TIAM1: variants seen among roughly 807,000 people sequenced by gnomAD.
The protein encoded by TIAM1 is rho guanine nucleotide exchange factor TIAM1.
TIAM1 carries 65 observed loss-of-function variants against 163.5 expected under a neutral mutation model. The observed-to-expected ratio is 0.40, with a 90% CI of 0.33 to 0.49. The LOEUF (loss-of-function observed/expected upper bound fraction) is 0.49, where lower values mean the gene tolerates loss of function less well. Ranked by LOEUF, TIAM1 falls within the 20% of genes least tolerant of loss-of-function variation. TIAM1 has a pLI of 0.77. For missense variants in TIAM1, 1,789 were observed against 2,044.7 expected (o/e 0.87, Z 2.41); for synonymous variants, 833 against 810.1 (o/e 1.03, Z -0.48).
At chr21:31,305,422 T>A (rs199953397) in intron 2 of TIAM1, among the ~76,000 whole-genome samples, 1,328 of 132,638 alleles carry the variant, frequency 0.01, 9 homozygotes, top group African/African-American at 0.019. Flanking sequence ...GAAATAAAAA[T>A]AAAAAAAAAA....
chr21:31,410,203 T>A (rs982846224), intron 2 of TIAM1, among the ~76,000 whole-genome samples: 2 of 143,458 alleles, frequency 1.4e-5, no homozygotes, highest in African/African-American at 5.8e-5. Flanking sequence ...ACAGTGATTG[T>A]GAGTGTGTGT....
chr21:31,277,481 A>C (rs1204969545), intron 2 of TIAM1, among the ~76,000 whole-genome samples: 3 of 152,190 alleles, frequency 2.0e-5, no homozygotes, highest in Non-Finnish European at 4.4e-5. Context: ...CCCCATCTTT[A>C]CTAAAATACA....
At chr21:31,517,926 G>T (rs894549783) in intron 1 of TIAM1, among the ~76,000 whole-genome samples, 3 of 152,072 alleles carry the variant, frequency 2.0e-5, no homozygotes, top group African/African-American at 7.2e-5. Context: ...GCCTAGCCAC[G>T]TTTCCACAGT....
At chr21:31,507,827 AG>A (rs1329331367) in intron 1 of TIAM1, among the ~76,000 whole-genome samples, 5 of 152,172 alleles carry the variant, frequency 3.3e-5, no homozygotes, top group Admixed American at 6.5e-5. Context: ...GTGGTAGCCC[AG>A]GGGTGGGTGT....
At chr21:31,286,479 AG>A (rs1569164039) in intron 2 of TIAM1, among the ~76,000 whole-genome samples, 1 of 152,154 alleles carries the variant, frequency 6.6e-6, no homozygotes, top group Non-Finnish European at 1.5e-5. Context: ...AAGCCGAAAC[AG>A]GAAGATCACT....
chr21:31,396,583 T>A (rs1248100141), intron 2 of TIAM1, among the ~76,000 whole-genome samples: 3 of 148,624 alleles, frequency 2.0e-5, no homozygotes, highest in African/African-American at 7.3e-5. Flanking sequence ...ATTAATATAA[T>A]AATATGAAAT....
chr21:31,143,220 A>G (rs2082938785), intron 20 of TIAM1, among the ~76,000 whole-genome samples: 1 of 152,112 alleles, frequency 6.6e-6, no homozygotes, highest in Non-Finnish European at 1.5e-5. Flanking sequence ...AACACAATCA[A>G]CATTGGAAAA....
chr21:31,359,846 AAGGAAGGAAGGAAGGAAGGG>A (rs1320329420), intron 2 of TIAM1, among the ~76,000 whole-genome samples: 14 of 132,494 alleles, frequency 1.1e-4, no homozygotes, highest in Admixed American at 4.4e-4. Context: ...GGAAGGAAGG[AAGGAAGGAAGGAAGGAAGGG>A]AGGGAGGGAG....
At chr21:31,501,305 CG>C (rs1399674615) in intron 1 of TIAM1, among the ~76,000 whole-genome samples, 1 of 152,032 alleles carries the variant, frequency 6.6e-6, no homozygotes, top group Non-Finnish European at 1.5e-5. Flanking sequence ...GGTGAAGAAC[CG>C]GGGTGCTGGA....
At chr21:31,145,144 CGGGAAA>C (rs1260337639) in intron 20 of TIAM1, among the ~76,000 whole-genome samples, 1 of 152,032 alleles carries the variant, frequency 6.6e-6, no homozygotes, top group Non-Finnish European at 1.5e-5. Context: ...ACACAGCACA[CGGGAAA>C]GGTCAGGCAG....
intron 2 of TIAM1, among the ~76,000 whole-genome samples, chr21:31,280,031 C>A (rs113877668): frequency 6.6e-6 from 1 of 150,508 alleles, no homozygotes; most frequent in African/African-American, 2.5e-5. Context: ...CACGCGTGCG[C>A]GCACACACAC....
intron 2 of TIAM1, among the ~76,000 whole-genome samples, chr21:31,352,112 G>C (rs111367248): frequency 5.3e-5 from 8 of 151,088 alleles, no homozygotes; most frequent in Admixed American, 1.3e-4. Context: ...ACAAAATACC[G>C]TCATTTTCAC....
At chr21:31,486,655 C>T (rs2046282090) in intron 1 of TIAM1, among the ~76,000 whole-genome samples, 1 of 152,220 alleles carries the variant, frequency 6.6e-6, no homozygotes, top group African/African-American at 2.4e-5. Flanking sequence ...TGGAAGCTTC[C>T]TGCATCCGTC....
intron 3 of TIAM1, among the ~76,000 whole-genome samples, chr21:31,275,257 A>AT (rs1302269859): frequency 6.6e-6 from 1 of 152,206 alleles, no homozygotes; most frequent in African/African-American, 2.4e-5. Context: ...TTTCACAATT[A>AT]TACCTTTTTT....
intron 1 of TIAM1, among the ~76,000 whole-genome samples, chr21:31,483,435 T>G (rs2046177983): frequency 6.6e-6 from 1 of 152,172 alleles, no homozygotes; most frequent in Non-Finnish European, 1.5e-5. Flanking sequence ...TTGCTCCTTC[T>G]AATTAAAACT....
chr21:31,383,418 C>A (rs1219777565), intron 2 of TIAM1, among the ~76,000 whole-genome samples: 3 of 152,256 alleles, frequency 2.0e-5, no homozygotes, highest in African/African-American at 7.2e-5. Flanking sequence ...ATGTACCCGA[C>A]CCTAGGCTAT....
chr21:31,250,168 A>AG (rs559698744), intron 5 of TIAM1, among the ~76,000 whole-genome samples: 21 of 147,886 alleles, frequency 1.4e-4, no homozygotes, highest in East Asian at 7.7e-4. Context: ...AAAAAAAAAA[A>AG]AAAGAAAAAG....
chr21:31,313,966 A>G (rs2075020573), intron 2 of TIAM1, among the ~76,000 whole-genome samples: 1 of 152,252 alleles, frequency 6.6e-6, no homozygotes, highest in Admixed American at 6.5e-5. Context: ...GGACAACTTA[A>G]CAGATTCTCA....
chr21:31,529,762 A>T (rs1432323198), intron 1 of TIAM1, among the ~76,000 whole-genome samples: 1 of 133,488 alleles, frequency 7.5e-6, no homozygotes, highest in Non-Finnish European at 1.7e-5. Context: ...ATGAACTCCA[A>T]CCTGGTATCA....
Sources: gnomAD v4.1 joint callset for allele counts (sites outside exome capture counted in the v4.1 genomes callset) on GRCh38, gnomAD v4.1.1 for gene constraint, MANE v1.5 for transcripts, NCBI Gene and HGNC (gene_info 2026-07-23, HGNC 2026-07-21) for gene names.